GABRB1: variants seen among roughly 807,000 people sequenced by gnomAD.
GABRB1 encodes gamma-aminobutyric acid type A receptor subunit beta1, also known as gamma-aminobutyric acid receptor subunit beta-1.
Under a neutral mutation model 51.6 loss-of-function variants are expected in GABRB1, and 17 were observed. That is an observed-to-expected ratio of 0.33 (90% CI 0.23 to 0.49). The LOEUF (loss-of-function observed/expected upper bound fraction) is 0.49, where lower values mean the gene tolerates loss of function less well. GABRB1 is among the 20% of genes least tolerant of loss of function. The pLI, the probability that GABRB1 is intolerant of heterozygous loss-of-function variation, is 0.99. For missense variants in GABRB1, 410 were observed against 600.6 expected (o/e 0.68, Z 3.32); for synonymous variants, 247 against 218.9 (o/e 1.13, Z -1.14).
At chr4:47,246,337 CAT>C (rs60968247) in intron 4 of GABRB1, among the ~76,000 whole-genome samples, 65 of 53,230 alleles carry the variant, frequency 1.2e-3, no homozygotes, top group Non-Finnish European at 1.6e-3. Flanking sequence ...CACATATGTA[CAT>C]ATATATATAT....
At chr4:47,155,180 T>C (rs549836707) in intron 3 of GABRB1, among the ~76,000 whole-genome samples, 1 of 151,918 alleles carries the variant, frequency 6.6e-6, no homozygotes, top group African/African-American at 2.4e-5. Context: ...AGGCAGGCAG[T>C]CTCCATCACA....
intron 1 of GABRB1, among the ~76,000 whole-genome samples, chr4:47,017,519 A>T (rs1435346456): frequency 6.6e-6 from 1 of 152,214 alleles, no homozygotes; most frequent in Non-Finnish European, 1.5e-5. Context: ...ACCAAAGGCT[A>T]AATCCAAATA....
intron 3 of GABRB1, among the ~76,000 whole-genome samples, chr4:47,137,423 T>A (rs542659902): frequency 3.5e-4 from 54 of 152,218 alleles, no homozygotes; most frequent in Admixed American, 1.5e-3. Flanking sequence ...AGTAAAATTT[T>A]AGAAATATTA....
intron 3 of GABRB1, among the ~76,000 whole-genome samples, chr4:47,108,406 A>ACTT (rs1715064710): frequency 6.6e-6 from 1 of 152,052 alleles, no homozygotes; most frequent in South Asian, 2.1e-4. Flanking sequence ...TTTGAAGGTA[A>ACTT]CTTGGTAAAC....
At chr4:47,008,894 C>T (rs1434447669) in intron 1 of GABRB1, among the ~76,000 whole-genome samples, 1 of 36,396 alleles carries the variant, frequency 2.7e-5, no homozygotes, top group Non-Finnish European at 5.6e-5. Context: ...AGACGAGTCT[C>T]GCTCTGTTTC....
chr4:47,411,716 C>T (rs1181452676), intron 8 of GABRB1, among the ~76,000 whole-genome samples: 5 of 152,130 alleles, frequency 3.3e-5, no homozygotes, highest in Admixed American at 6.6e-5. Flanking sequence ...GTTGGAGAAC[C>T]TGGGTGAGGG....
chr4:47,248,899 CT>C (rs1358847294), intron 4 of GABRB1, among the ~76,000 whole-genome samples: 1 of 151,848 alleles, frequency 6.6e-6, no homozygotes, highest in Admixed American at 6.6e-5. Context: ...TTCTCTCTTC[CT>C]TTCTTGGTTA....
At chr4:47,355,708 G>C (rs972413722) in intron 5 of GABRB1, among the ~76,000 whole-genome samples, 2 of 152,084 alleles carry the variant, frequency 1.3e-5, no homozygotes, top group African/African-American at 4.8e-5. Context: ...CTAATTTATA[G>C]AAATTGTTAG....
At chr4:47,263,196 T>TAATAATAAATA (rs1553867953) in intron 4 of GABRB1, among the ~76,000 whole-genome samples, 1 of 149,376 alleles carries the variant, frequency 6.7e-6, no homozygotes, top group African/African-American at 2.5e-5. Flanking sequence ...AGTATAATAA[T>TAATAATAAATA]AATAAATAAA....
At chr4:47,009,146 G>A (rs1055044219) in intron 1 of GABRB1, among the ~76,000 whole-genome samples, 50 of 149,982 alleles carry the variant, frequency 3.3e-4, no homozygotes, top group Non-Finnish European at 6.1e-4. Flanking sequence ...TTACAGGCAT[G>A]AGCCACCGCG....
chr4:47,318,050 AT>A (rs1250362004), intron 4 of GABRB1, among the ~76,000 whole-genome samples: 1 of 152,060 alleles, frequency 6.6e-6, no homozygotes, highest in African/African-American at 2.4e-5. Flanking sequence ...AGCTATTAAA[AT>A]ATTTTGTGAC....
At chr4:47,298,682 C>G (rs1724114713) in intron 4 of GABRB1, among the ~76,000 whole-genome samples, 1 of 152,150 alleles carries the variant, frequency 6.6e-6, no homozygotes, top group African/African-American at 2.4e-5. Context: ...TTTATAGGTT[C>G]AATGCCATCC....
chr4:47,245,398 C>A (rs1381091343), intron 4 of GABRB1, among the ~76,000 whole-genome samples: 1 of 152,074 alleles, frequency 6.6e-6, no homozygotes, highest in African/African-American at 2.4e-5. Context: ...GTAGGGGATA[C>A]CAATGTTCAA....
At chr4:46,994,557 A>AGAAAGGATACATAAATTAAAAT (rs916857889) in intron 1 of GABRB1, 1 of 152,184 alleles carries the variant, frequency 6.6e-6, no homozygotes, top group African/African-American at 2.4e-5. Context: ...GGGTATGGAG[A>AGAAAGGATACATAAATTAAAAT]GAAAGGATAC....
intron 3 of GABRB1, among the ~76,000 whole-genome samples, chr4:47,101,607 T>C (rs1489359360): frequency 1.3e-5 from 2 of 151,874 alleles, no homozygotes; most frequent in African/African-American, 2.4e-5. Context: ...AAGAAAAAAA[T>C]CCCTTCTGTC....
At chr4:47,024,149 T>A (rs1471635455) in intron 1 of GABRB1, among the ~76,000 whole-genome samples, 2 of 151,922 alleles carry the variant, frequency 1.3e-5, no homozygotes, top group Non-Finnish European at 2.9e-5. Flanking sequence ...AGTAGTTTGT[T>A]CTTTCCTAGT....
rs1234006540 is a variant in GABRB1 at position 47,189,531 on chromosome 4, G to C, written c.461+28062G>C. Among the ~76,000 whole-genome samples, 4 of 151,882 alleles carry C rather than the reference G, an allele frequency of 2.6e-5. No homozygotes were observed. The East Asian group carries it at 7.8e-4, about 30-fold the overall frequency. ...TCAATTCTAAGTAGAATTCTAAGTAGAATTGTGTCTCTGCATTTATGGAGG... is the reference window on the plus strand; with the variant it reads ...TCAATTCTAAGTAGAATTCTAAGTACAATTGTGTCTCTGCATTTATGGAGG... On this transcript the variant is annotated intron_variant, in intron 4 of 8. Coordinates refer to ENST00000295454, the MANE Select transcript of GABRB1 (RefSeq NM_000812.4).
chr4:47,264,735 G>C (rs545232215), intron 4 of GABRB1, among the ~76,000 whole-genome samples: 16 of 152,216 alleles, frequency 1.1e-4, no homozygotes, highest in Admixed American at 8.5e-4. Context: ...TACACCTGGG[G>C]GAATTACCAA....
At position 47,169,210 on chromosome 4, in the gene GABRB1, T is replaced by C. The variant is rs112199166; in HGVS notation, c.461+7741T>C. On this transcript the variant is annotated intron_variant, in intron 4 of 8. Transcript: ENST00000295454. ...AATGGAGATATTCTATCATCTCTTC[T>C]TTATTTATGAACTATACTACTCTCT... is the stretch of plus-strand genomic sequence containing the variant. Among the ~76,000 whole-genome samples, 568 of 152,330 alleles carry C rather than the reference T, an allele frequency of 3.7e-3. 4 individuals are homozygous for C. The highest frequency in any genetic ancestry group is 5.1e-3 in the Non-Finnish European group (347 of 68,036).
Sources: gnomAD v4.1 joint callset for allele counts (sites outside exome capture counted in the v4.1 genomes callset) on GRCh38, gnomAD v4.1.1 for gene constraint, MANE v1.5 for transcripts, NCBI Gene and HGNC (gene_info 2026-07-23, HGNC 2026-07-21) for gene names.